SLC25A48: variants seen among roughly 807,000 people sequenced by gnomAD.
The protein encoded by SLC25A48 is solute carrier family 25 member 48.
SLC25A48 carries 29 observed loss-of-function variants against 32.2 expected under a neutral mutation model. That is an observed-to-expected ratio of 0.90 (90% confidence interval 0.67 to 1.23). SLC25A48 has a LOEUF of 1.23. SLC25A48 is among the 50% of genes most tolerant of loss of function. SLC25A48 has a pLI of 0.00. For missense variants in SLC25A48, 399 were observed against 422.7 expected (o/e 0.94, Z 0.49); for synonymous variants, 164 against 172.3 (o/e 0.95, Z 0.38).
chr5:135,613,466 G>A (rs1752118998), intron 1 of SLC25A48, among the ~76,000 whole-genome samples: 1 of 152,108 alleles, frequency 6.6e-6, no homozygotes, highest in Admixed American at 6.6e-5. Flanking sequence ...TTTGTTGCCT[G>A]TGGTTTTGCA....
intron 3 of SLC25A48, among the ~76,000 whole-genome samples, chr5:135,667,825 A>G (rs1286321239): frequency 1.3e-5 from 2 of 152,236 alleles, no homozygotes; most frequent in African/African-American, 4.8e-5. Flanking sequence ...GTTTCTTTCA[A>G]ATAGTAATGT....
intron 2 of SLC25A48, among the ~76,000 whole-genome samples, chr5:135,846,409 G>A (rs1759423376): frequency 6.6e-6 from 1 of 152,108 alleles, no homozygotes; most frequent in African/African-American, 2.4e-5. Context: ...CACAATTCTA[G>A]GCTGCCCCCT....
At chr5:135,735,158 G>C (rs1374669478) in intron 3 of SLC25A48, among the ~76,000 whole-genome samples, 1 of 152,204 alleles carries the variant, frequency 6.6e-6, no homozygotes, top group African/African-American at 2.4e-5. Context: ...TGGGGAGGGG[G>C]TCCTGGAGCA....
Position 135,611,102 on chromosome 5 carries a change from A to G in SLC25A48, c.-848-18135A>G, listed in dbSNP as rs561404398. On this transcript the variant is annotated intron_variant, in intron 1 of 10. Coordinates refer to the SLC25A48 transcript ENST00000646290. ...TGATTCTGAATCTTCAATGTAAATT[A>G]TGTTCTAAATCTGTTTAAAGAAGAC... Among the ~76,000 whole-genome samples, 8 of 152,364 alleles carry G rather than the reference A, an allele frequency of 5.3e-5. No individual in the cohort carries two copies. In the South Asian group the frequency reaches 1.7e-3, roughly 32 times the overall value.
chr5:135,835,001 T>C (rs1719166649), intron 1 of SLC25A48, 108 bp downstream of exon 1: 4 of 1,353,806 alleles, frequency 3.0e-6, no homozygotes, highest in African/African-American at 1.4e-5. Context: ...CCGCTCCCCG[T>C]TGTGCGCGCA....
intron 6 of SLC25A48, among the ~76,000 whole-genome samples, chr5:135,876,734 G>A (rs576136785): frequency 6.6e-6 from 1 of 152,296 alleles, no homozygotes; most frequent in South Asian, 2.1e-4. Context: ...ATATGTGACT[G>A]TTTACTTATG....
rs529484087 is a variant in SLC25A48, at chr5:135,859,391, C to A, written c.421+6570C>A. Among the ~76,000 whole-genome samples the A allele has an allele frequency of 4.1e-4, 62 of 152,226 alleles. 1 individual carries two copies. Among genetic ancestry groups the A allele is most frequent in the South Asian group, 4.2e-4 (2 of 4,818 alleles). On this transcript the variant is annotated intron_variant, in intron 4 of 7. Coordinates refer to ENST00000681962, the MANE Select transcript of SLC25A48 (RefSeq NM_001349336.2). ...GAGAACAGCATGGGAAAGACCCCACCCCCATGATTCAATTACCTCCTACCA... is the reference window on the plus strand; with the variant it reads ...GAGAACAGCATGGGAAAGACCCCACACCCATGATTCAATTACCTCCTACCA...
intron 1 of SLC25A48, among the ~76,000 whole-genome samples, chr5:135,836,399 T>G (rs1395607856): frequency 6.6e-6 from 1 of 152,098 alleles, no homozygotes; most frequent in African/African-American, 2.4e-5. Context: ...GGTAAGTGTT[T>G]ACTACACTTG....
At chr5:135,683,807 A>C (rs564169329) in intron 3 of SLC25A48, among the ~76,000 whole-genome samples, 1 of 152,302 alleles carries the variant, frequency 6.6e-6, no homozygotes, top group Admixed American at 6.5e-5. Flanking sequence ...TGGAGCACTC[A>C]GGAGTGGATG....
chr5:135,834,183 C>T (rs2126673866), upstream of SLC25A48, among the ~76,000 whole-genome samples: 1 of 152,336 alleles, frequency 6.6e-6, no homozygotes, highest in South Asian at 2.1e-4. Flanking sequence ...AGAGCACCAC[C>T]TCTGCCTTCT....
At chr5:135,838,938 A>G (rs115815959) in intron 1 of SLC25A48, among the ~76,000 whole-genome samples, 8,932 of 152,306 alleles carry the variant, frequency 0.059, 361 homozygotes, top group Non-Finnish European at 0.091. Flanking sequence ...CCACTGGGGC[A>G]ATGCCTAGTA....
chr5:135,874,192 C>T (rs925333399), intron 6 of SLC25A48, 38 bp downstream of exon 6: 15 of 1,403,296 alleles, frequency 1.1e-5, no homozygotes, highest in African/African-American at 1.5e-5. Flanking sequence ...AGTGTCAGTC[C>T]CTGGAAGGTG....
intron 3 of SLC25A48, among the ~76,000 whole-genome samples, chr5:135,757,276 TATA>T (rs1397976258): frequency 2.0e-5 from 3 of 149,742 alleles, no homozygotes; most frequent in Non-Finnish European, 3.0e-5. Context: ...ATATGATATT[TATA>T]ATGACTAGTG....
At chr5:135,735,612 C>G (rs751624610) in intron 3 of SLC25A48, among the ~76,000 whole-genome samples, 5 of 152,158 alleles carry the variant, frequency 3.3e-5, no homozygotes, top group Non-Finnish European at 7.3e-5. Context: ...GGGAATCTGC[C>G]TGATAGTTCC....
chr5:135,884,910 A>C (rs7737731), intron 7 of SLC25A48, among the ~76,000 whole-genome samples: 6,312 of 151,866 alleles, frequency 0.042, 161 homozygotes, highest in Middle Eastern at 0.065. Context: ...TCATCATGGC[A>C]CCTCTTGATG....
At chr5:135,738,869 G>A (rs573561069) in intron 3 of SLC25A48, among the ~76,000 whole-genome samples, 4 of 152,312 alleles carry the variant, frequency 2.6e-5, no homozygotes, top group East Asian at 3.9e-4. Context: ...ATGATCTGAG[G>A]TCAGGAGTTC....
chr5:135,701,945 C>G (rs181131414), intron 3 of SLC25A48, among the ~76,000 whole-genome samples: 2 of 152,308 alleles, frequency 1.3e-5, no homozygotes, highest in East Asian at 3.9e-4. Flanking sequence ...GCACTGGGCT[C>G]CATGCTTTAT....
In SLC25A48 at chr5:135,842,537, T is replaced by C. The variant is rs543196612; in HGVS notation, c.90+78T>C. 112 of 1,421,248 alleles carry C rather than the reference T, an allele frequency of 7.9e-5. No individual in the cohort carries two copies. In the African/African-American group the frequency reaches 1.3e-3, roughly 17 times the overall value. 88.0% of individuals were successfully genotyped at this position (1,421,248 alleles called of 1,614,324 possible). Reference sequence around the variant, plus strand: ...TGCCTCTGGGACTATTCCTGCTGTTTCTAATCTCTCAGAGAGTCTTCTGCC... The same window carrying C: ...TGCCTCTGGGACTATTCCTGCTGTTCCTAATCTCTCAGAGAGTCTTCTGCC... On this transcript the variant is annotated intron_variant, in intron 2 of 7. Coordinates refer to ENST00000681962, the MANE Select transcript of SLC25A48 (RefSeq NM_001349336.2).
At chr5:135,705,364 G>A (rs115183479) in intron 3 of SLC25A48, among the ~76,000 whole-genome samples, 102 of 152,338 alleles carry the variant, frequency 6.7e-4, no homozygotes, top group African/African-American at 2.4e-3. Flanking sequence ...GGCATGTTCT[G>A]GAGCTTATCA....
Sources: allele counts gnomAD v4.1 joint callset (sites outside exome capture counted in the v4.1 genomes callset), GRCh38; gene constraint gnomAD v4.1.1; transcripts MANE v1.5; gene names NCBI Gene and HGNC (gene_info 2026-07-23, HGNC 2026-07-21).